The following GCNT2 variants were observed in gnomAD, a reference collection of about 807,000 sequenced individuals.
GCNT2 encodes the protein N-acetyllactosaminide beta-1,6-N-acetylglucosaminyl-transferase.
A neutral mutation model predicts 34.2 loss-of-function variants in GCNT2; 34 were observed. The ratio of observed to expected loss-of-function variants is 1.00; its 90% CI spans 0.76 to 1.32. The LOEUF (loss-of-function observed/expected upper bound fraction) is 1.32, where lower values mean the gene tolerates loss of function less well. Ranked by LOEUF, GCNT2 falls within the 40% of genes most tolerant of loss-of-function variation. The pLI is 0.00. For missense variants in GCNT2, 584 were observed against 489.4 expected, an observed-to-expected ratio of 1.19 and a Z score of -1.82; for synonymous variants, 212 against 188.0, an observed-to-expected ratio of 1.13 and a Z score of -1.04.
chr6:10,572,552 G>GA (rs1270582608), intron 3 of GCNT2, among the ~76,000 whole-genome samples: 1 of 152,062 alleles, frequency 6.6e-6, no homozygotes, highest in Non-Finnish European at 1.5e-5. Flanking sequence ...CCAACATGGT[G>GA]AAATCCCATC....
At chr6:10,581,966 A>G (rs2127407632) in intron 3 of GCNT2, 2 of 405,230 alleles carry the variant, frequency 4.9e-6, no homozygotes, top group South Asian at 2.1e-4. Context: ...ATAGTAATAT[A>G]TATATATACA....
chr6:10,531,909 C>CAAAGAA (rs1389857466), intron 3 of GCNT2, among the ~76,000 whole-genome samples: 2 of 119,850 alleles, frequency 1.7e-5, no homozygotes, highest in East Asian at 5.0e-4. Flanking sequence ...AAGACCAAGA[C>CAAAGAA]AAAGAAAAAG....
intron 3 of GCNT2, among the ~76,000 whole-genome samples, chr6:10,565,921 TCTC>T (rs1214127334): frequency 6.6e-6 from 1 of 152,110 alleles, no homozygotes; most frequent in African/African-American, 2.4e-5. Context: ...ATCACATCCC[TCTC>T]CTCCTTAGAA....
chr6:10,536,509 T>C (rs1399429264), intron 3 of GCNT2, among the ~76,000 whole-genome samples: 3 of 144,604 alleles, frequency 2.1e-5, no homozygotes, highest in African/African-American at 7.7e-5. Flanking sequence ...CGCCCACCAC[T>C]GTGCCCGGCT....
chr6:10,612,766 A>G (rs961894308), intron 3 of GCNT2, among the ~76,000 whole-genome samples: 1 of 152,192 alleles, frequency 6.6e-6, no homozygotes, highest in African/African-American at 2.4e-5. Context: ...AGTGGTAGCA[A>G]TGCTTGTCTC....
At chr6:10,567,543 T>G (rs1278323564) in intron 3 of GCNT2, among the ~76,000 whole-genome samples, 1 of 152,226 alleles carries the variant, frequency 6.6e-6, no homozygotes, top group Admixed American at 6.5e-5. Context: ...GAATATTAAC[T>G]TTTAGGCCTT....
chr6:10,565,641 A>G (rs1022531555), intron 3 of GCNT2, among the ~76,000 whole-genome samples: 1 of 152,146 alleles, frequency 6.6e-6, no homozygotes, highest in African/African-American at 2.4e-5. Context: ...CCTTTTCGCA[A>G]TGTATCTTCC....
In GCNT2 at chr6:10,581,181, C is replaced by CA. The variant is rs1360741106; in HGVS notation, c.926-40169dup. On this transcript the variant is annotated intron_variant, in intron 3 of 4. Coordinates refer to ENST00000495262, the MANE Select transcript of GCNT2 (RefSeq NM_145649.5). ...CTCAGAAGGCATCACATGCTAGTCTCAGTCTGTTCATCTAAACCACTGTAA... is the reference window on the plus strand; with the variant it reads ...CTCAGAAGGCATCACATGCTAGTCTCAAGTCTGTTCATCTAAACCACTGTAA... Among the ~76,000 whole-genome samples the CA allele has an allele frequency of 1.2e-4, 18 of 152,348 alleles. No homozygotes were observed. The East Asian group carries it at 3.5e-3, about 29-fold the overall frequency.
intron 3 of GCNT2, among the ~76,000 whole-genome samples, chr6:10,554,421 A>G (rs1762606178): frequency 6.6e-6 from 1 of 152,200 alleles, no homozygotes; most frequent in Non-Finnish European, 1.5e-5. Context: ...TTAATATAGT[A>G]ATGCTATTAA....
chr6:10,611,894 T>C (rs927785510), intron 3 of GCNT2, among the ~76,000 whole-genome samples: 1 of 152,186 alleles, frequency 6.6e-6, no homozygotes, highest in Non-Finnish European at 1.5e-5. Flanking sequence ...AACACTGGTA[T>C]TTCCTCCACT....
intron 3 of GCNT2, among the ~76,000 whole-genome samples, chr6:10,618,844 C>CTTGAATAT (rs1429732421): frequency 6.6e-6 from 1 of 152,098 alleles, no homozygotes; most frequent in African/African-American, 2.4e-5. Context: ...TTCTTGAATA[C>CTTGAATAT]TTGAATACTT....
chr6:10,626,316 C>T (rs1766251673), intron 4 of GCNT2, 101 bp from the exon 5 acceptor site: 2 of 845,222 alleles, frequency 2.4e-6, no homozygotes, highest in Non-Finnish European at 4.1e-6. Context: ...ACCATTGGCA[C>T]AGTTGTAGTT....
intron 3 of GCNT2, chr6:10,582,036 A>C (rs1764093569): frequency 5.5e-6 from 1 of 181,442 alleles, no homozygotes; most frequent in Non-Finnish European, 1.0e-5. Context: ...CATATGTATT[A>C]TATGTATATA....
chr6:10,566,799 G>C (rs561316168), intron 3 of GCNT2, among the ~76,000 whole-genome samples: 1 of 152,164 alleles, frequency 6.6e-6, no homozygotes, highest in African/African-American at 2.4e-5. Context: ...GCTTGTGCAC[G>C]CACACGTTTT....
At chr6:10,532,914 CTTTTTTTTTT>C (rs67442555) in intron 3 of GCNT2, among the ~76,000 whole-genome samples, 1 of 85,408 alleles carries the variant, frequency 1.2e-5, no homozygotes, top group Non-Finnish European at 2.2e-5. Context: ...GTGGTTTTTG[CTTTTTTTTTT>C]TTTTTTTTTT....
chr6:10,558,736 C>T (rs544628465), intron 3 of GCNT2, among the ~76,000 whole-genome samples: 4 of 152,350 alleles, frequency 2.6e-5, no homozygotes, highest in South Asian at 2.1e-4. Flanking sequence ...GCGATAAACA[C>T]GCCGGCATTC....
intron 3 of GCNT2, among the ~76,000 whole-genome samples, chr6:10,541,649 G>A (rs1762040704): frequency 6.6e-6 from 1 of 152,158 alleles, no homozygotes; most frequent in Non-Finnish European, 1.5e-5. Context: ...TTCAGAAAAT[G>A]TAGTTGAAGT....
chr6:10,557,339 C>G lies in GCNT2; in HGVS notation c.925+27503C>G, dbSNP rs781746623. On this transcript the variant is annotated intron_variant, in intron 3 of 4. Coordinates refer to ENST00000495262, the MANE Select transcript of GCNT2 (RefSeq NM_145649.5). ...TTTCTGGGTGACACTCAATAGGATT[C>G]CAGGTACGTACAATTCCATATTTCA... 5.0e-6 allele frequency: 8 copies of G among 1,609,312 alleles called. No homozygotes were observed. In the Admixed American group the frequency reaches 1.2e-4, roughly 23 times the overall value.
At chr6:10,549,608 G>A (rs890352952) in intron 3 of GCNT2, among the ~76,000 whole-genome samples, 8 of 111,712 alleles carry the variant, frequency 7.2e-5, no homozygotes, top group African/African-American at 2.9e-4. Flanking sequence ...GTCTCGCTCT[G>A]TCACCCAGGT....
Sources: allele counts gnomAD v4.1 joint callset (sites outside exome capture counted in the v4.1 genomes callset), GRCh38; gene constraint gnomAD v4.1.1; transcripts MANE v1.5; gene names NCBI Gene and HGNC (gene_info 2026-07-23, HGNC 2026-07-21).